Variants in AKAP13 observed in about 807,000 individuals in gnomAD.
The protein encoded by AKAP13 is A-kinase anchoring protein 13.
In AKAP13, 80 loss-of-function variants were observed where a neutral mutation model predicts 264.5. That is an observed-to-expected ratio of 0.30 (90% CI 0.25 to 0.36). The LOEUF (loss-of-function observed/expected upper bound fraction) is 0.36, where lower values mean the gene tolerates loss of function less well. AKAP13 is among the 10% of genes least tolerant of loss of function. The pLI is 1.00. For synonymous variants in AKAP13, 1,380 were observed against 1,250.2 expected, an observed-to-expected ratio of 1.10 and a Z score of -2.19; for missense variants, 3,712 against 3,435.2, an observed-to-expected ratio of 1.08 and a Z score of -2.01.
At chr15:85,382,852 G>C (rs1193221931) in intron 1 of AKAP13, among the ~76,000 whole-genome samples, 1 of 152,226 alleles carries the variant, frequency 6.6e-6, no homozygotes, top group African/African-American at 2.4e-5. Context: ...CCTAGTGGTA[G>C]CTAGCGTACA....
intron 1 of AKAP13, among the ~76,000 whole-genome samples, chr15:85,456,036 A>G (rs892736588): frequency 6.6e-6 from 1 of 152,220 alleles, no homozygotes; most frequent in Non-Finnish European, 1.5e-5. Context: ...ACTTTCACAC[A>G]TCACCACTCT....
intron 5 of AKAP13, among the ~76,000 whole-genome samples, chr15:85,552,596 G>T (rs1425268024): frequency 2.7e-5 from 4 of 149,580 alleles, no homozygotes; most frequent in African/African-American, 9.8e-5. Context: ...TTTATATCAG[G>T]ATTGAGGATA....
At position 85,562,851 on chromosome 15, in the gene AKAP13, A is replaced by G. The variant is rs377443268; in HGVS notation, c.663-12280A>G. 6.6e-3 allele frequency among the ~76,000 whole-genome samples: 896 copies of G among 135,046 alleles called. 11 individuals are homozygous for G. Among genetic ancestry groups the G allele is most frequent in the African/African-American group, 0.022 (836 of 37,268 alleles). The allele number at this position is 135,046 out of a possible 152,430, so 88.6% of individuals were successfully genotyped here. ...GCTGGGATTACAGGCATGCGCCACC[A>G]CGCCCAGCAGGTTTTTTTTGTTTTT... On this transcript the variant is annotated intron_variant, in intron 5 of 36. Coordinates refer to ENST00000394518, the MANE Select transcript of AKAP13 (RefSeq NM_007200.5).
In AKAP13 at chr15:85,704,463, A is replaced by G. The variant is rs563327084; in HGVS notation, c.5465-3556A>G. ...GTGGTGGTTGGTGGCATGGGTTAAA[A>G]AAAAGATACAGCAATAGATAGATGA... is the stretch of plus-strand genomic sequence containing the variant. On this transcript the variant is annotated intron_variant, in intron 17 of 36. Transcript: ENST00000394518. Among the ~76,000 whole-genome samples the G allele has an allele frequency of 2.6e-5, 4 of 152,364 alleles. No homozygotes were observed. The East Asian group carries it at 7.7e-4, about 29-fold the overall frequency.
intron 8 of AKAP13, among the ~76,000 whole-genome samples, chr15:85,599,816 G>A (rs1386645016): frequency 6.6e-6 from 1 of 152,130 alleles, no homozygotes; most frequent in East Asian, 1.9e-4. Context: ...TGGGAGGATT[G>A]CTTGAGCCTA....
chr15:85,478,309 T>G (rs2075242651), intron 1 of AKAP13, among the ~76,000 whole-genome samples: 1 of 152,004 alleles, frequency 6.6e-6, no homozygotes, highest in South Asian at 2.1e-4. Flanking sequence ...AAAGATAACC[T>G]AAACACGGAA....
chr15:85,544,869 T>C (rs1317020970), intron 5 of AKAP13, among the ~76,000 whole-genome samples: 2 of 152,236 alleles, frequency 1.3e-5, no homozygotes, highest in African/African-American at 2.4e-5. Context: ...TTCTCAGATA[T>C]TTTGCTCATG....
chr15:85,493,095 A>G (rs1166784949), intron 2 of AKAP13, among the ~76,000 whole-genome samples: 1 of 152,228 alleles, frequency 6.6e-6, no homozygotes, highest in Non-Finnish European at 1.5e-5. Flanking sequence ...GAAAGGGCTA[A>G]TGTCAACAGA....
chr15:85,730,274 G>C (rs999873743), intron 29 of AKAP13, among the ~76,000 whole-genome samples: 1 of 152,224 alleles, frequency 6.6e-6, no homozygotes, highest in African/African-American at 2.4e-5. Flanking sequence ...GCAAAGTGCA[G>C]ACTTGTTATG....
intron 1 of AKAP13, among the ~76,000 whole-genome samples, chr15:85,411,263 C>G (rs777034649): frequency 6.6e-5 from 10 of 152,160 alleles, no homozygotes; most frequent in African/African-American, 9.7e-5. Flanking sequence ...AATGCCAGTT[C>G]CACTTAATGT....
chr15:85,735,162 G>GA lies in AKAP13; in HGVS notation c.7441+14dup. The GA allele has an allele frequency of 6.2e-7, 1 of 1,611,702 alleles. No homozygotes were observed. Among genetic ancestry groups the GA allele is most frequent in the Non-Finnish European group, 8.5e-7 (1 of 1,178,946 alleles). ...GAATGCTTCAAAAGGTAAATGATGT[G>GA]AAGTCATGAGCTTTTATAGGCAATC... On this transcript the variant is annotated intron_variant, in intron 31 of 36. Transcript: ENST00000394518.
At position 85,727,310 on chromosome 15, in the gene AKAP13, C is replaced by T. The variant is rs577883587; in HGVS notation, c.7004+63C>T. The T allele has an allele frequency of 6.3e-4, 1,015 of 1,610,422 alleles. No individual in the cohort carries two copies. The highest frequency in any genetic ancestry group is 8.1e-4 in the Non-Finnish European group (949 of 1,177,492). On this transcript the variant is annotated intron_variant, in intron 28 of 36. Coordinates refer to ENST00000394518, the MANE Select transcript of AKAP13 (RefSeq NM_007200.5). This position sits in a 1 kb window ranked among gnomAD's most constrained non-coding sequence, Gnocchi z 5.3. ...CTGATGTCTCTGTGTGATTTCATAACAGGCTGGACTGTGACCAGAGTAATT... is the reference window on the plus strand; with the variant it reads ...CTGATGTCTCTGTGTGATTTCATAATAGGCTGGACTGTGACCAGAGTAATT...
At chr15:85,431,245 G>A (rs1361746414) in intron 1 of AKAP13, among the ~76,000 whole-genome samples, 6 of 152,158 alleles carry the variant, frequency 3.9e-5, no homozygotes, top group African/African-American at 1.4e-4. Context: ...TGAGGAACAA[G>A]GTGTATCAGG....
intron 30 of AKAP13, among the ~76,000 whole-genome samples, chr15:85,733,962 T>TCAGCCC (rs978712408): frequency 7.2e-6 from 1 of 139,738 alleles, no homozygotes; most frequent in Non-Finnish European, 1.5e-5. Flanking sequence ...AGCCTCAGCC[T>TCAGCCC]CCTGAGTAGC....
At position 85,743,571 on chromosome 15, in the gene AKAP13, C is replaced by T. The variant is rs374835263; in HGVS notation, c.8138C>T (p.Pro2713Leu). 1.2e-6 allele frequency: 2 copies of T among 1,614,058 alleles called. No homozygotes were observed. The highest frequency in any genetic ancestry group is 1.3e-5 in the African/African-American group (1 of 74,916). ...GAGGAGCCCCCCTCGCCATCTGCAC[C>T]TTCCATAGCCAAATCAGGGTCATTG... ...SPEEPPSPSAPSIAKSGSLDS... is the reference protein window; with the variant it reads ...SPEEPPSPSALSIAKSGSLDS... Residue 2713 changes from proline to leucine, a missense_variant, in exon 36 of 37, where the codon CCT becomes CTT. Physicochemically the swap from Pro to Leu is moderately conservative, Grantham distance 98. This residue lies in a region of AKAP13 where 611 missense variants were observed against 539.3 expected (regional missense o/e 1.13). Coordinates refer to ENST00000394518, the MANE Select transcript of AKAP13 (RefSeq NM_007200.5).
chr15:85,742,545 T>C (rs1279951896), intron 35 of AKAP13, among the ~76,000 whole-genome samples: 3 of 152,224 alleles, frequency 2.0e-5, no homozygotes, highest in Non-Finnish European at 4.4e-5. Flanking sequence ...TTGGGGATGT[T>C]GAGACAGCTG....
rs34062230 is a variant in AKAP13 at position 85,448,975 on chromosome 15, C to G, written c.-11-36735C>G. On this transcript the variant is annotated intron_variant, in intron 1 of 36. Coordinates refer to ENST00000394518, the MANE Select transcript of AKAP13 (RefSeq NM_007200.5). ...TAGTTTAATAGAAATAACATTGGAT[C>G]TGTAAATTGCTTTGGGCAGTATACC... 5.8e-3 allele frequency among the ~76,000 whole-genome samples: 878 copies of G among 151,018 alleles called. 11 individuals carry two copies. Among genetic ancestry groups the G allele is most frequent in the Non-Finnish European group, 7.1e-3 (479 of 67,924 alleles).
At chr15:85,406,370 T>A (rs934008355) in intron 1 of AKAP13, among the ~76,000 whole-genome samples, 3 of 150,572 alleles carry the variant, frequency 2.0e-5, no homozygotes, top group African/African-American at 7.4e-5. Flanking sequence ...TCTCAACTAA[T>A]TTTTGTGACC....
chr15:85,485,319 A>G (rs1244662587), intron 1 of AKAP13, among the ~76,000 whole-genome samples: 3 of 152,202 alleles, frequency 2.0e-5, no homozygotes, highest in Non-Finnish European at 4.4e-5. Context: ...CAGGCTCCCT[A>G]GTAAGACTGC....
Sources: allele counts gnomAD v4.1 joint callset (sites outside exome capture counted in the v4.1 genomes callset), GRCh38; gene constraint gnomAD v4.1.1; regional missense constraint gnomAD v4.1.1; non-coding constraint Gnocchi (gnomAD v3.1); transcripts MANE v1.5; gene names NCBI Gene and HGNC (gene_info 2026-07-23, HGNC 2026-07-21).